The following DNAH5 variants were observed in gnomAD, a reference collection of about 807,000 sequenced individuals.
DNAH5 encodes dynein axonemal heavy chain 5, also known as axonemal beta dynein heavy chain 5.
In DNAH5, 372 loss-of-function variants were observed where a neutral mutation model predicts 518.2. The ratio of observed to expected loss-of-function variants is 0.72; its 90% CI spans 0.66 to 0.78. The LOEUF is 0.78. Ranked by LOEUF, DNAH5 falls within the 30% of genes least tolerant of loss-of-function variation. DNAH5 has a pLI of 0.00. For missense variants in DNAH5, 5,523 were observed against 5,687.0 expected (o/e 0.97, Z 0.93); for synonymous variants, 2,039 against 2,025.9 (o/e 1.01, Z -0.17).
At chr5:13,756,174 C>T (rs557909334) in intron 61 of DNAH5, among the ~76,000 whole-genome samples, 16 of 152,316 alleles carry the variant, frequency 1.1e-4, no homozygotes, top group Middle Eastern at 3.4e-3. Flanking sequence ...ACACACTCTC[C>T]TTCAATGGGC....
At chr5:13,784,220 T>C (rs1336180345) in intron 52 of DNAH5, among the ~76,000 whole-genome samples, 2 of 152,252 alleles carry the variant, frequency 1.3e-5, no homozygotes, top group Non-Finnish European at 2.9e-5. Flanking sequence ...CTATTTGTCA[T>C]GAAATTGCCT....
chr5:13,829,580 A>G lies in DNAH5; in HGVS notation c.6374T>C (p.Ile2125Thr). Residue 2125 changes from isoleucine (I) to threonine (T), a missense_variant, in exon 38 of 79, where the codon ATT becomes ACT. This residue lies in a region of DNAH5 where 5,121 missense variants were observed against 5,223.3 expected (regional missense o/e 0.98). Transcript: ENST00000265104. ...CTTCCTGGCCAAAACAACGTTGTCA[A>G]TGAAGCCACAACTAGCCAACTTCAC... is the stretch of plus-strand genomic sequence containing the variant. Reference protein sequence around the residue: ...IRVKLASCGFIDNVVLARKFF... With the variant: ...IRVKLASCGFTDNVVLARKFF... 1 of 1,614,214 alleles carries G rather than the reference A, an allele frequency of 6.2e-7. No homozygotes were observed. Among genetic ancestry groups the G allele is most frequent in the Non-Finnish European group, 8.5e-7 (1 of 1,180,032 alleles).
At chr5:13,865,212 C>T (rs1769061425) in intron 27 of DNAH5, among the ~76,000 whole-genome samples, 1 of 151,988 alleles carries the variant, frequency 6.6e-6, no homozygotes, top group African/African-American at 2.4e-5. Flanking sequence ...CCAGGATAGT[C>T]TCAATCTCCT....
Position 13,816,333 on chromosome 5 carries a change from C to T in DNAH5, c.6988+1215G>A, listed in dbSNP as rs139730910. On this transcript the variant is annotated intron_variant, in intron 42 of 78. Coordinates refer to ENST00000265104, the MANE Select transcript of DNAH5 (RefSeq NM_001369.3). ...TTAATAATAGCATTCCTCTTAATTT[C>T]TCAACTACTACCTTCTCTTACTCAC... is the stretch of plus-strand genomic sequence containing the variant. Among the ~76,000 whole-genome samples the T allele has an allele frequency of 6.3e-3, 955 of 152,294 alleles. 13 individuals carry two copies. The highest frequency in any genetic ancestry group is 0.022 in the African/African-American group (917 of 41,558).
intron 55 of DNAH5, among the ~76,000 whole-genome samples, chr5:13,775,337 T>C (rs562063909): frequency 3.2e-4 from 49 of 152,220 alleles, no homozygotes; most frequent in African/African-American, 1.1e-3. Flanking sequence ...GCGCTGAGAA[T>C]AAAACTTCCC....
chr5:13,708,763 T>C (rs1743130924), intron 75 of DNAH5, among the ~76,000 whole-genome samples: 1 of 152,206 alleles, frequency 6.6e-6, no homozygotes. Context: ...TTTTAAGAGC[T>C]TTCTGTTTTT....
intron 1 of DNAH5, among the ~76,000 whole-genome samples, chr5:13,933,601 G>C (rs1204278553): frequency 6.6e-6 from 1 of 152,000 alleles, no homozygotes; most frequent in Non-Finnish European, 1.5e-5. Context: ...GACCAGCCTG[G>C]CCAACGTGCC....
At chr5:13,879,305 T>C (rs1771313718) in intron 21 of DNAH5, among the ~76,000 whole-genome samples, 2 of 152,216 alleles carry the variant, frequency 1.3e-5, no homozygotes, top group South Asian at 2.1e-4. Flanking sequence ...AGATGCTCCT[T>C]GACCTATGAT....
At chr5:13,842,759 A>T (rs1162371331) in intron 32 of DNAH5, among the ~76,000 whole-genome samples, 2 of 152,050 alleles carry the variant, frequency 1.3e-5, no homozygotes, top group African/African-American at 4.8e-5. Flanking sequence ...CCTGAATATG[A>T]ATTTGTATTT....
Position 13,776,605 on chromosome 5 carries a change from G to T in DNAH5, c.9207C>A (p.Asn3069Lys). The part of the protein sequence containing the change: ...EFPRCLPTNE[N>K]LHDYFMSRVR... Reference sequence around the variant, plus strand: ...CCCGACTCATGAAGTAGTCGTGCAGGTTCTCATTGGTAGGAAGGCACCTGG... The same window carrying T: ...CCCGACTCATGAAGTAGTCGTGCAGTTTCTCATTGGTAGGAAGGCACCTGG... The change falls in exon 55 of 79, where the codon AAC (asparagine) becomes AAA (lysine). Residue 3069 changes from asparagine (N) to lysine (K), a missense_variant. By Grantham distance (94) the Asn-to-Lys change is moderately conservative. This residue lies in a region of DNAH5 where 5,121 missense variants were observed against 5,223.3 expected (regional missense o/e 0.98). Transcript: ENST00000265104. The T allele has an allele frequency of 6.2e-7, 1 of 1,613,932 alleles. No homozygotes were observed. The highest frequency in any genetic ancestry group is 8.5e-7 in the Non-Finnish European group (1 of 1,179,868).
rs1748557394 is a variant in DNAH5 at position 13,741,620 on chromosome 5, A to G, written c.11212-4125T>C. ...ATAAAAGCCCTCACATTACGGTTGT[A>G]CTAGGAAATAAAAGTGATAATGAAA... On this transcript the variant is annotated intron_variant, in intron 65 of 78. Transcript: ENST00000265104. Among the ~76,000 whole-genome samples the G allele has an allele frequency of 2.0e-5, 3 of 152,210 alleles. No individual in the cohort carries two copies. The South Asian group carries it at 6.2e-4, about 31-fold the overall frequency.
chr5:13,812,192 G>C (rs957744125), intron 43 of DNAH5, among the ~76,000 whole-genome samples: 25 of 152,078 alleles, frequency 1.6e-4, no homozygotes, highest in Admixed American at 1.6e-3. Context: ...TGGAGAAATA[G>C]TCTTCAACTC....
intron 1 of DNAH5, among the ~76,000 whole-genome samples, chr5:14,004,511 G>A (rs60852918): frequency 0.015 from 2,220 of 152,274 alleles, 60 homozygotes; most frequent in African/African-American, 0.051. Context: ...ACCTTGCATT[G>A]CAAAAGTTAT....
At chr5:13,938,697 T>A (rs757725872) in intron 1 of DNAH5, among the ~76,000 whole-genome samples, 1 of 152,134 alleles carries the variant, frequency 6.6e-6, no homozygotes, top group Non-Finnish European at 1.5e-5. Context: ...ACTACATGGT[T>A]AAAGTTCCTT....
chr5:13,725,118 C>T (rs186602849), intron 70 of DNAH5, among the ~76,000 whole-genome samples: 19 of 152,310 alleles, frequency 1.2e-4, no homozygotes. Flanking sequence ...AAGCTTGCCC[C>T]CCACCTCCAT....
At chr5:13,792,921 C>A (rs1038813848) in intron 49 of DNAH5, among the ~76,000 whole-genome samples, 7 of 152,182 alleles carry the variant, frequency 4.6e-5, no homozygotes, top group African/African-American at 7.2e-5. Flanking sequence ...CTCTTTTCTG[C>A]ACAAATAAGT....
At position 13,765,962 on chromosome 5, in the gene DNAH5, A is replaced by T; in HGVS notation, c.10101+14T>A. ...ATGAGTTCCCTCTTAGCCCATCACCACTGAACTACCAACCTGTAAGTTCTG... is the reference window on the plus strand; with the variant it reads ...ATGAGTTCCCTCTTAGCCCATCACCTCTGAACTACCAACCTGTAAGTTCTG... On this transcript the variant is annotated intron_variant, in intron 59 of 78. Coordinates refer to ENST00000265104, the MANE Select transcript of DNAH5 (RefSeq NM_001369.3). The T allele has an allele frequency of 6.2e-7, 1 of 1,613,584 alleles. No individual in the cohort carries two copies. The highest frequency in any genetic ancestry group is 8.5e-7 in the Non-Finnish European group (1 of 1,179,498).
chr5:13,885,870 G>C, intron 18 of DNAH5, 94 bp downstream of exon 18: 2 of 1,145,638 alleles, frequency 1.7e-6, no homozygotes, highest in Non-Finnish European at 2.6e-6. Flanking sequence ...GATGTTTATA[G>C]AAGTATGAAA....
chr5:13,854,443 A>T (rs1767325809), intron 30 of DNAH5, among the ~76,000 whole-genome samples: 1 of 152,260 alleles, frequency 6.6e-6, no homozygotes, highest in Admixed American at 6.5e-5. Flanking sequence ...CATTGATATT[A>T]TGAAGAAACT....
Sources: gnomAD v4.1 joint callset for allele counts (sites outside exome capture counted in the v4.1 genomes callset) on GRCh38, gnomAD v4.1.1 for gene constraint, gnomAD v4.1.1 regional missense constraint, MANE v1.5 for transcripts, NCBI Gene and HGNC (gene_info 2026-07-23, HGNC 2026-07-21) for gene names.